Variants in C1QTNF12 observed in about 807,000 individuals in gnomAD.
C1QTNF12 encodes adipolin.
A neutral mutation model predicts 34.3 loss-of-function variants in C1QTNF12; 39 were observed. The ratio of observed to expected loss-of-function variants is 1.14; its 90% CI spans 0.88 to 1.49. C1QTNF12 has a LOEUF of 1.49. Among genes scored for constraint, C1QTNF12 ranks in the 40% most tolerant of loss-of-function variants. The pLI is 0.00. For synonymous variants in C1QTNF12, 220 were observed against 196.9 expected (o/e 1.12, Z -0.98); for missense variants, 497 against 424.7 (o/e 1.17, Z -1.50).
chr1:1,243,829 C>CAA, intron 4 of C1QTNF12, 125 bp downstream of exon 4: 1 of 1,307,952 alleles, frequency 7.6e-7, no homozygotes, highest in Non-Finnish European at 1.0e-6. Flanking sequence ...GCCCCTCGCC[C>CAA]TCCGAGCCCC....
intron 7 of C1QTNF12, 81 bp from the exon 8 acceptor site, chr1:1,242,727 T>C (rs1638770667): frequency 3.9e-6 from 6 of 1,548,632 alleles, no homozygotes; most frequent in Non-Finnish European, 5.3e-6. Flanking sequence ...TGCCCTGCGC[T>C]AGGAGGTGCC....
chr1:1,246,392 G>A lies in C1QTNF12; in HGVS notation c.177+122C>T. ...ATTCTCAAGGCGGGACCGTGGCCGAGGCCTCGAAAAGGGCGACCCGGAGGC... is the reference window on the plus strand; with the variant it reads ...ATTCTCAAGGCGGGACCGTGGCCGAAGCCTCGAAAAGGGCGACCCGGAGGC... On this transcript the variant is annotated intron_variant, in intron 1 of 7. Coordinates refer to ENST00000330388, the MANE Select transcript of C1QTNF12 (RefSeq NM_001014980.3). The surrounding 1 kb of genome is among the most constrained non-coding windows in gnomAD (Gnocchi z 4.5). 1 of 809,800 alleles carries A rather than the reference G, an allele frequency of 1.2e-6. No individual in the cohort carries two copies. The allele number at this position is 809,800 out of a possible 1,614,324, so 50.2% of individuals were successfully genotyped here. A position where few individuals can be genotyped will look rare whatever the true frequency, so the allele number is the denominator to read the frequency against.
In C1QTNF12 at chr1:1,243,758, C is replaced by A. The variant is rs563534312; in HGVS notation, c.531+196G>T. On this transcript the variant is annotated intron_variant, in intron 4 of 7. Transcript: ENST00000330388. ...GCCTCCCGGCTACCGGGGACCCACG[C>A]TCCGTCTGGGCATAAAGTGTGATCT... 1.4e-3 allele frequency among the ~76,000 whole-genome samples: 208 copies of A among 152,284 alleles called. 1 individual carries two copies. Among genetic ancestry groups the A allele is most frequent in the African/African-American group, 4.3e-3 (177 of 41,554 alleles).
chr1:1,243,200 G>A (rs1333407238), intron 5 of C1QTNF12, 48 bp from the exon 6 acceptor site: 2 of 924,102 alleles, frequency 2.2e-6, no homozygotes. Flanking sequence ...GCGGGGTGGG[G>A]GCTGGTGGGG....
Position 1,246,325 on chromosome 1 carries a change from G to A in C1QTNF12, c.177+189C>T, listed in dbSNP as rs1638890347. 6.6e-6 allele frequency among the ~76,000 whole-genome samples: 1 copy of A among 152,154 alleles called. No individual in the cohort carries two copies. Among genetic ancestry groups the A allele is most frequent in the South Asian group, 2.1e-4 (1 of 4,830 alleles). ...GGGGCCAGGTCTCCGCTGCAGAGGA[G>A]GAGAGGGCTTCCCAGAGGCCGGCCT... On this transcript the variant is annotated intron_variant, in intron 1 of 7. Transcript: ENST00000330388. The surrounding 1 kb of genome is among the most constrained non-coding windows in gnomAD (Gnocchi z 4.5).
Position 1,244,803 on chromosome 1 carries a change from A to G in C1QTNF12, c.178-306T>C, listed in dbSNP as rs1324367664. 3 of 81,068 alleles carry G rather than the reference A, an allele frequency of 3.7e-5. No individual in the cohort carries two copies. In the South Asian group the frequency reaches 5.6e-4, roughly 15 times the overall value. The allele number at this position is 81,068 out of a possible 1,614,324, so 5.0% of individuals were successfully genotyped here. A position where few individuals can be genotyped will look rare whatever the true frequency, so the allele number is the denominator to read the frequency against. Reference sequence around the variant, plus strand: ...CCCCCACTCATCTCCCTCCTCCCCCACTCCTCATCCCACTCCTTCCCCCAC... The same window carrying G: ...CCCCCACTCATCTCCCTCCTCCCCCGCTCCTCATCCCACTCCTTCCCCCAC... On this transcript the variant is annotated intron_variant, in intron 1 of 7. Transcript: ENST00000330388.
At position 1,244,039 on chromosome 1, in the gene C1QTNF12, A is replaced by C. The variant is rs751572142; in HGVS notation, c.446T>G (p.Leu149Arg). The C allele has an allele frequency of 6.9e-6, 11 of 1,599,428 alleles. No homozygotes were observed. In the South Asian group the frequency reaches 1.2e-4, roughly 18 times the overall value. Reference protein sequence around the residue: ...PLLPQGAGLRLVGEAFHCRLQ... With the variant: ...PLLPQGAGLRRVGEAFHCRLQ... ...CCGGCAGTGAAAGGCCTCGCCCACC[A>C]GCCGCAGGCCCGCCCCCTGGGGCAG... The change falls in exon 4 of 8, where the codon CTG becomes CGG. Residue 149 changes from leucine to arginine, a missense_variant. By Grantham distance (102) the Leu-to-Arg change is moderately radical. Coordinates refer to ENST00000330388, the MANE Select transcript of C1QTNF12 (RefSeq NM_001014980.3).
chr1:1,244,339 T>C, intron 2 of C1QTNF12, 42 bp downstream of exon 2: 1 of 1,596,728 alleles, frequency 6.3e-7, no homozygotes, highest in Non-Finnish European at 8.6e-7. Flanking sequence ...CACCACACCC[T>C]GTCCGGGGCT....
At chr1:1,244,646 C>A in intron 1 of C1QTNF12, 149 bp from the exon 2 acceptor site, 1 of 648,168 alleles carries the variant, frequency 1.5e-6, no homozygotes, top group Non-Finnish European at 2.8e-6. Context: ...GAGTCAGAAC[C>A]CTGACGTCCC....
rs777616461 is a variant in C1QTNF12, at chr1:1,242,815, C to T, written c.810+20G>A. Reference sequence around the variant, plus strand: ...CCGAGTGCACCCGAGCCCTCCCGCTCACACCCGGCCCGGACTCACCTGCAG... The same window carrying T: ...CCGAGTGCACCCGAGCCCTCCCGCTTACACCCGGCCCGGACTCACCTGCAG... On this transcript the variant is annotated intron_variant, in intron 7 of 7. Transcript: ENST00000330388. The T allele has an allele frequency of 6.2e-7, 1 of 1,611,692 alleles. No homozygotes were observed. Among genetic ancestry groups the T allele is most frequent in the South Asian group, 1.1e-5 (1 of 91,014 alleles).
Position 1,242,537 on chromosome 1 carries a change from C to G in C1QTNF12, c.*11G>C. ...CCGGCGGCAGCTCCTCGCCAGCCCC[C>G]CTGGGCGCCCTCACGTGCCCAGGAG... On this transcript the variant is annotated 3_prime_UTR_variant, in exon 8 of 8. Coordinates refer to ENST00000330388, the MANE Select transcript of C1QTNF12 (RefSeq NM_001014980.3). The G allele has an allele frequency of 1.9e-5, 29 of 1,552,122 alleles. No homozygotes were observed. Among genetic ancestry groups the G allele is most frequent in the Non-Finnish European group, 2.4e-5 (28 of 1,147,682 alleles).
Position 1,246,534 on chromosome 1 carries a change from C to T in C1QTNF12, c.157G>A (p.Gly53Arg), listed in dbSNP as rs1391925567. ...CGTACCTTGGGGGCCTCGGGCAGCC[C>T]CTCGCGGGAGGACGCGCTGGCGGTG... ...NATASASSRE[G>R]LPEAPKPSQA... The change falls in exon 1 of 8, where the codon GGG becomes AGG. Residue 53 changes from glycine to arginine, a missense_variant. Coordinates refer to ENST00000330388, the MANE Select transcript of C1QTNF12 (RefSeq NM_001014980.3). The surrounding 1 kb of genome is among the most constrained non-coding windows in gnomAD (Gnocchi z 4.5). The T allele has an allele frequency of 1.6e-6, 2 of 1,235,670 alleles. No individual in the cohort carries two copies. The highest frequency in any genetic ancestry group is 8.4e-5 in the Admixed American group (2 of 23,716). The allele number at this position is 1,235,670 out of a possible 1,614,324, so 76.5% of individuals were successfully genotyped here.
rs1421291207 is a variant in C1QTNF12, at chr1:1,244,719, A to G, written c.178-222T>C. On this transcript the variant is annotated intron_variant, in intron 1 of 7. Transcript: ENST00000330388. ...GACACAGCCAGAGCCTGATGCCCTG[A>G]GCCCCTCACTCCTCCCCCACTCCTC... 6 of 525,382 alleles carry G rather than the reference A, an allele frequency of 1.1e-5. No homozygotes were observed. The East Asian group carries it at 1.6e-4, about 14-fold the overall frequency. The allele number at this position is 525,382 out of a possible 1,614,324, so 32.5% of individuals were successfully genotyped here.
intron 5 of C1QTNF12, 103 bp from the exon 6 acceptor site, chr1:1,243,255 G>T: frequency 9.4e-7 from 1 of 1,065,232 alleles, no homozygotes. Flanking sequence ...AGGAGTGGCT[G>T]CTGGGGCTGG....
In C1QTNF12 at chr1:1,243,527, C is replaced by T. The variant is rs770709918; in HGVS notation, c.557G>A (p.Arg186Gln). ...QAPAAQGAFL[R>Q]GSGLSLASGR... ...CGAGGCCAGGCTCAGACCGGAGCCT[C>T]GCAGGAAGGCACCTTGGGCAGCAGG... The change falls in exon 5 of 8, where the codon CGA becomes CAA. Residue 186 changes from arginine (R) to glutamine (Q), a missense_variant. By Grantham distance (43) the Arg-to-Gln change is conservative. Coordinates refer to ENST00000330388, the MANE Select transcript of C1QTNF12 (RefSeq NM_001014980.3). 4.5e-6 allele frequency: 7 copies of T among 1,553,804 alleles called. No homozygotes were observed. The highest frequency in any genetic ancestry group is 2.4e-5 in the South Asian group (2 of 84,472).
At position 1,246,302 on chromosome 1, in the gene C1QTNF12, G is replaced by A. The variant is rs1346777270; in HGVS notation, c.177+212C>T. Among the ~76,000 whole-genome samples the A allele has an allele frequency of 1.3e-5, 2 of 152,142 alleles. No homozygotes were observed. Among genetic ancestry groups the A allele is most frequent in the Non-Finnish European group, 2.9e-5 (2 of 68,016 alleles). ...ACCCACCCACCCCAGGCCAGCTGGGGGCCAGGTCTCCGCTGCAGAGGAGGA... is the reference window on the plus strand; with the variant it reads ...ACCCACCCACCCCAGGCCAGCTGGGAGCCAGGTCTCCGCTGCAGAGGAGGA... On this transcript the variant is annotated intron_variant, in intron 1 of 7. Coordinates refer to ENST00000330388, the MANE Select transcript of C1QTNF12 (RefSeq NM_001014980.3). This position sits in a 1 kb window ranked among gnomAD's most constrained non-coding sequence, Gnocchi z 4.5.
chr1:1,244,625 C>T (rs369009297), intron 1 of C1QTNF12, 128 bp from the exon 2 acceptor site: 32 of 738,742 alleles, frequency 4.3e-5, no homozygotes, highest in African/African-American at 3.0e-4. Flanking sequence ...GACCCACGGC[C>T]GCCCTTGGGG....
In C1QTNF12 at chr1:1,243,996, C is replaced by T. The variant is rs368404661; in HGVS notation, c.489G>A (p.Arg163=). The change falls in exon 4 of 8, where the codon CGG becomes CGA. Residue 163 remains arginine (R), a synonymous_variant. Transcript: ENST00000330388. ...AFHCRLQGPR[R]VDKRTLVELH... ...GCTCCACCAGCGTCCGCTTGTCCAC[C>T]CGGCGGGGACCCTGCAGCCGGCAGT... 124 of 1,606,426 alleles carry T rather than the reference C, an allele frequency of 7.7e-5. No homozygotes were observed. Among genetic ancestry groups the T allele is most frequent in the Non-Finnish European group, 1.0e-4 (121 of 1,177,406 alleles).
In C1QTNF12 at chr1:1,242,926, C is replaced by A. The variant is rs891290043; in HGVS notation, c.732-13G>T. ...GGCCTCCAGGCACCTGAACACAGCCCCACAGGGCAAGAGGGAGGCGTTGCA... is the reference window on the plus strand; with the variant it reads ...GGCCTCCAGGCACCTGAACACAGCCACACAGGGCAAGAGGGAGGCGTTGCA... On this transcript the variant is annotated splice_polypyrimidine_tract_variant and intron_variant, in intron 6 of 7. Transcript: ENST00000330388. 1 of 1,611,220 alleles carries A rather than the reference C, an allele frequency of 6.2e-7. No homozygotes were observed. Among genetic ancestry groups the A allele is most frequent in the Admixed American group, 1.7e-5 (1 of 59,896 alleles).
Sources: gnomAD v4.1 joint callset for allele counts (sites outside exome capture counted in the v4.1 genomes callset) on GRCh38, gnomAD v4.1.1 for gene constraint, Gnocchi (gnomAD v3.1) non-coding constraint, MANE v1.5 for transcripts, NCBI Gene and HGNC (gene_info 2026-07-23, HGNC 2026-07-21) for gene names.